The following CFAP210 variants were observed in gnomAD, a reference collection of about 807,000 sequenced individuals.
CFAP210 encodes cilia- and flagella- associated protein 210.
chr2:169,659,915 T>C, the CFAP210 span, among the ~76,000 whole-genome samples: 1 of 152,230 alleles, frequency 6.6e-6, no homozygotes, highest in Non-Finnish European at 1.5e-5. Flanking sequence ...CCATGTATTC[T>C]TGATTGTCCA....
the CFAP210 span, among the ~76,000 whole-genome samples, chr2:169,676,066 T>C: frequency 3.3e-5 from 5 of 152,364 alleles, no homozygotes; most frequent in South Asian, 2.1e-4. Flanking sequence ...TTCTGTACTA[T>C]TGAGATGTAA....
the CFAP210 span, among the ~76,000 whole-genome samples, chr2:169,650,734 C>G: frequency 2.0e-5 from 3 of 147,108 alleles, no homozygotes; most frequent in Non-Finnish European, 3.0e-5. Context: ...TATGTATAAT[C>G]TGTGTGTGTG....
At chr2:169,688,073 C>A in the CFAP210 span, among the ~76,000 whole-genome samples, 1 of 152,218 alleles carries the variant, frequency 6.6e-6, no homozygotes, top group Non-Finnish European at 1.5e-5. Flanking sequence ...GCAGCTGGGA[C>A]ACAGGGCACC....
At chr2:169,694,138 C>A in the CFAP210 span, 1 of 907,716 alleles carries the variant, frequency 1.1e-6, no homozygotes, top group Non-Finnish European at 1.8e-6. Flanking sequence ...ATTGAGGATG[C>A]TTTCGACCTG....
chr2:169,693,281 T>C, the CFAP210 span, among the ~76,000 whole-genome samples: 1 of 152,254 alleles, frequency 6.6e-6, no homozygotes, highest in African/African-American at 2.4e-5. Context: ...CCACAAAACA[T>C]TATTTAACAA....
At chr2:169,675,047 A>G in the CFAP210 span, 4 of 1,468,708 alleles carry the variant, frequency 2.7e-6, no homozygotes, top group African/African-American at 5.8e-5. Flanking sequence ...TCCCCTGTAA[A>G]AAGACAAACA....
At chr2:169,650,217 G>T in the CFAP210 span, 2 of 1,113,104 alleles carry the variant, frequency 1.8e-6, no homozygotes, top group Non-Finnish European at 1.2e-6. Context: ...TTCATACATT[G>T]TTTTTAATAT....
the CFAP210 span, among the ~76,000 whole-genome samples, chr2:169,678,257 C>A: frequency 4.2e-5 from 6 of 144,526 alleles, no homozygotes; most frequent in African/African-American, 1.5e-4. Context: ...AGGAGAATTG[C>A]TTGAACCCGG....
the CFAP210 span, among the ~76,000 whole-genome samples, chr2:169,683,940 C>T: frequency 6.6e-6 from 1 of 152,098 alleles, no homozygotes; most frequent in Admixed American, 6.6e-5. Flanking sequence ...GGGCAAGTTC[C>T]CCATATCTTT....
the CFAP210 span, among the ~76,000 whole-genome samples, chr2:169,660,463 T>A: frequency 6.6e-6 from 1 of 151,706 alleles, no homozygotes; most frequent in Non-Finnish European, 1.5e-5. Context: ...TTCATTTATT[T>A]CTGCTCTGAT....
At chr2:169,659,576 C>T in the CFAP210 span, among the ~76,000 whole-genome samples, 35 of 152,292 alleles carry the variant, frequency 2.3e-4, no homozygotes, top group African/African-American at 7.9e-4. Context: ...TTAGAAACCA[C>T]CCCCGATGAT....
chr2:169,688,999 C>T, the CFAP210 span, among the ~76,000 whole-genome samples: 1 of 152,158 alleles, frequency 6.6e-6, no homozygotes, highest in Admixed American at 6.5e-5. Flanking sequence ...GCTGGGGAGG[C>T]CTCAGAATCA....
chr2:169,680,729 G>C, the CFAP210 span, among the ~76,000 whole-genome samples: 1 of 152,134 alleles, frequency 6.6e-6, no homozygotes, highest in Admixed American at 6.5e-5. Flanking sequence ...GAACAAAACA[G>C]GTCATGAGGA....
the CFAP210 span, chr2:169,658,235 C>A: frequency 6.6e-6 from 1 of 152,234 alleles, no homozygotes; most frequent in South Asian, 2.1e-4. Context: ...AAACTTTAAA[C>A]TCTTAAAAAC....
At chr2:169,676,280 T>C in the CFAP210 span, among the ~76,000 whole-genome samples, 1 of 152,222 alleles carries the variant, frequency 6.6e-6, no homozygotes, top group African/African-American at 2.4e-5. Context: ...TTATAGACAG[T>C]CTTGCTGGTA....
chr2:169,658,259 G>A, the CFAP210 span: 1 of 152,340 alleles, frequency 6.6e-6, no homozygotes, highest in Non-Finnish European at 1.5e-5. Flanking sequence ...AAAAAAGTTT[G>A]TGTTGGCTAC....
At chr2:169,683,914 C>T in the CFAP210 span, among the ~76,000 whole-genome samples, 1 of 152,166 alleles carries the variant, frequency 6.6e-6, no homozygotes, top group African/African-American at 2.4e-5. Context: ...TTTACTATCT[C>T]AGGCCACTGA....
At chr2:169,690,362 A>G in the CFAP210 span, among the ~76,000 whole-genome samples, 3 of 152,246 alleles carry the variant, frequency 2.0e-5, no homozygotes, top group East Asian at 1.9e-4. Flanking sequence ...TTAAAAATTT[A>G]GTAGAATTAG....
the CFAP210 span, among the ~76,000 whole-genome samples, chr2:169,666,510 ATTTG>A: frequency 1.8e-3 from 276 of 149,842 alleles, no homozygotes; most frequent in African/African-American, 6.3e-3. Flanking sequence ...CCTGTACTTT[ATTTG>A]TTTGTTTGTT....
Sources: gnomAD v4.1 joint callset for allele counts (sites outside exome capture counted in the v4.1 genomes callset) on GRCh38, gnomAD v4.1.1 for gene constraint, MANE v1.5 for transcripts, NCBI Gene and HGNC (gene_info 2026-07-23, HGNC 2026-07-21) for gene names.